Variants in NKAIN2 observed in about 807,000 individuals in gnomAD.
NKAIN2 encodes the protein sodium/potassium-transporting ATPase subunit beta-1-interacting protein 2.
NKAIN2 carries 14 observed loss-of-function variants against 32.6 expected under a neutral mutation model. The observed-to-expected ratio is 0.43, with a 90% CI of 0.28 to 0.67. NKAIN2 has a LOEUF of 0.67. Among genes scored for constraint, NKAIN2 ranks in the 30% least tolerant of loss-of-function variants. The pLI, the probability that NKAIN2 is intolerant of heterozygous loss-of-function variation, is 0.17. For missense variants in NKAIN2, 198 were observed against 258.3 expected (o/e 0.77, Z 1.60); for synonymous variants, 80 against 87.2 (o/e 0.92, Z 0.46).
rs374320693 is a variant in NKAIN2, at chr6:124,805,998, T to C, written c.536-12389T>C. ...GAAATATGGGACTATGTGAAAAGAC[T>C]AAATCTACGTCTGATTGGTGTACCT... is the stretch of plus-strand genomic sequence containing the variant. On this transcript the variant is annotated intron_variant, in intron 5 of 6. Coordinates refer to ENST00000368417, the MANE Select transcript of NKAIN2 (RefSeq NM_001040214.3). 1.1e-4 allele frequency among the ~76,000 whole-genome samples: 17 copies of C among 152,190 alleles called. No homozygotes were observed. The South Asian group carries it at 2.1e-3, about 19-fold the overall frequency.
chr6:124,148,047 A>G (rs1787508306), intron 1 of NKAIN2, among the ~76,000 whole-genome samples: 1 of 151,984 alleles, frequency 6.6e-6, no homozygotes, highest in Admixed American at 6.6e-5. Flanking sequence ...ATAATCATTC[A>G]TTTCTTTAAT....
intron 4 of NKAIN2, among the ~76,000 whole-genome samples, chr6:124,744,469 T>C (rs1777365665): frequency 2.0e-5 from 3 of 151,874 alleles, no homozygotes; most frequent in African/African-American, 7.2e-5. Context: ...TCTCCTCTGC[T>C]TATCTGTTAA....
chr6:123,808,637 A>G (rs1241902522), intron 1 of NKAIN2, among the ~76,000 whole-genome samples: 3 of 152,270 alleles, frequency 2.0e-5, no homozygotes, highest in Admixed American at 1.3e-4. Context: ...CAAAAAGTCA[A>G]CCCATGTGGA....
intron 1 of NKAIN2, among the ~76,000 whole-genome samples, chr6:124,150,879 CATTAT>C (rs987363313): frequency 6.6e-6 from 1 of 152,048 alleles, no homozygotes; most frequent in African/African-American, 2.4e-5. Context: ...GATGTAAAAA[CATTAT>C]ATTTGTCTGA....
intron 4 of NKAIN2, among the ~76,000 whole-genome samples, chr6:124,664,016 T>C (rs754661400): frequency 1.3e-5 from 2 of 152,170 alleles, no homozygotes; most frequent in Non-Finnish European, 2.9e-5. Context: ...GGCTCATGCC[T>C]ATAATGCCAG....
At chr6:124,423,740 C>T (rs903112270) in intron 3 of NKAIN2, among the ~76,000 whole-genome samples, 11 of 152,228 alleles carry the variant, frequency 7.2e-5, no homozygotes, top group African/African-American at 2.6e-4. Context: ...GCATTCATCC[C>T]TTTCAGGGGA....
At chr6:124,411,065 C>T (rs1774149288) in intron 3 of NKAIN2, among the ~76,000 whole-genome samples, 1 of 151,810 alleles carries the variant, frequency 6.6e-6, no homozygotes, top group Non-Finnish European at 1.5e-5. Flanking sequence ...TATTTTGAGC[C>T]TATGTGTGTC....
intron 3 of NKAIN2, among the ~76,000 whole-genome samples, chr6:124,474,094 T>G (rs565726667): frequency 8.5e-6 from 1 of 117,364 alleles, no homozygotes; most frequent in African/African-American, 3.2e-5. Context: ...GCTTCAGATT[T>G]TCTTAGGACT....
chr6:123,941,483 C>T (rs894504671), intron 1 of NKAIN2, among the ~76,000 whole-genome samples: 9 of 151,658 alleles, frequency 5.9e-5, no homozygotes, highest in African/African-American at 2.2e-4. Context: ...TGCCTCTCAC[C>T]GCTATGTTAT....
chr6:124,109,967 T>C (rs572633065), intron 1 of NKAIN2, among the ~76,000 whole-genome samples: 2 of 151,036 alleles, frequency 1.3e-5, no homozygotes, highest in African/African-American at 4.9e-5. Context: ...TCATCATCTA[T>C]GATCCCTTTA....
At chr6:124,309,061 CTTTTG>C (rs1421129385) in intron 2 of NKAIN2, among the ~76,000 whole-genome samples, 2 of 152,048 alleles carry the variant, frequency 1.3e-5, no homozygotes, top group African/African-American at 4.8e-5. Context: ...AAATTTGACT[CTTTTG>C]TTTTGATCTG....
chr6:124,360,100 G>A (rs1562513250), intron 3 of NKAIN2, among the ~76,000 whole-genome samples: 1 of 152,184 alleles, frequency 6.6e-6, no homozygotes, highest in Non-Finnish European at 1.5e-5. Flanking sequence ...TGTTGAACCA[G>A]CCTTGCATCC....
At chr6:124,696,535 G>A (rs1774507285) in intron 4 of NKAIN2, among the ~76,000 whole-genome samples, 1 of 152,084 alleles carries the variant, frequency 6.6e-6, no homozygotes, top group Non-Finnish European at 1.5e-5. Flanking sequence ...AAAAATGGAT[G>A]TTCCTCTTAT....
intron 3 of NKAIN2, among the ~76,000 whole-genome samples, chr6:124,489,488 C>T (rs1777777717): frequency 6.6e-6 from 1 of 151,804 alleles, no homozygotes; most frequent in African/African-American, 2.4e-5. Flanking sequence ...ATTTAATATA[C>T]CTAACCTATC....
chr6:124,268,400 A>G (rs1438021246), intron 1 of NKAIN2, among the ~76,000 whole-genome samples: 1 of 152,162 alleles, frequency 6.6e-6, no homozygotes, highest in Non-Finnish European at 1.5e-5. Flanking sequence ...TTTTCTCCCA[A>G]TAGTAGTATC....
At chr6:124,359,275 G>T (rs1431967073) in intron 3 of NKAIN2, among the ~76,000 whole-genome samples, 1 of 152,036 alleles carries the variant, frequency 6.6e-6, no homozygotes, top group Non-Finnish European at 1.5e-5. Flanking sequence ...TGTTCCATAT[G>T]AACTTTAAAG....
At position 124,099,753 on chromosome 6, in the gene NKAIN2, G is replaced by C. The variant is rs191068190; in HGVS notation, c.55-183252G>C. Among the ~76,000 whole-genome samples the C allele has an allele frequency of 2.6e-5, 4 of 152,276 alleles. No homozygotes were observed. The East Asian group carries it at 7.7e-4, about 29-fold the overall frequency. On this transcript the variant is annotated intron_variant, in intron 1 of 6. Transcript: ENST00000368417. ...AGGTGCTCCTGGCATCCAGTGAATA[G>C]AGCCCAGACATGCTGCTAAACATCT...
intron 1 of NKAIN2, among the ~76,000 whole-genome samples, chr6:124,103,323 G>A (rs1389364032): frequency 1.3e-5 from 2 of 152,038 alleles, no homozygotes; most frequent in East Asian, 1.9e-4. Context: ...ATCAACGTGG[G>A]GATTTACTTG....
chr6:123,806,865 C>T (rs561887660), intron 1 of NKAIN2, among the ~76,000 whole-genome samples: 11 of 151,994 alleles, frequency 7.2e-5, no homozygotes, highest in East Asian at 5.8e-4. Flanking sequence ...CTCCAGTCCT[C>T]GGAGCAAAGT....
Sources: allele counts gnomAD v4.1 joint callset (sites outside exome capture counted in the v4.1 genomes callset), GRCh38; gene constraint gnomAD v4.1.1; transcripts MANE v1.5; gene names NCBI Gene and HGNC (gene_info 2026-07-23, HGNC 2026-07-21).